Variants in PLEKHB1 observed in about 807,000 individuals in gnomAD.
PLEKHB1 encodes the protein pleckstrin homology domain containing B1.
In PLEKHB1, 29 loss-of-function variants were observed where a neutral mutation model predicts 36.2. That is an observed-to-expected ratio of 0.80 (90% CI 0.60 to 1.09). PLEKHB1 has a LOEUF of 1.09. PLEKHB1 is among the 50% of genes least tolerant of loss of function. The pLI, the probability that PLEKHB1 is intolerant of heterozygous loss-of-function variation, is 0.00. For missense variants in PLEKHB1, 330 were observed against 348.2 expected (o/e 0.95, Z 0.42); for synonymous variants, 138 against 140.0 (o/e 0.99, Z 0.10).
intron 1 of PLEKHB1, chr11:73,647,522 C>T: frequency 1.0e-6 from 1 of 983,768 alleles, no homozygotes; most frequent in Non-Finnish European, 1.2e-6. Context: ...AGTCCCAGTA[C>T]GCCTCGGGTC....
chr11:73,651,790 G>A lies in PLEKHB1; in HGVS notation c.250G>A (p.Val84Met), dbSNP rs1291107436. Residue 84 changes from valine to methionine, a missense_variant and splice_region_variant, in exon 4 of 8, where the codon GTG (valine) becomes ATG (methionine). Transcript: ENST00000354190. ...CATATATGTGTGTCTGCTTCCAGAT[G>A]TGCAGCCCCCAGAGGGCCGGAGCCG... Reference protein sequence around the residue: ...DIKIGPECHDVQPPEGRSRDG... With the variant: ...DIKIGPECHDMQPPEGRSRDG... The A allele has an allele frequency of 2.5e-6, 4 of 1,613,162 alleles. No homozygotes were observed. The highest frequency in any genetic ancestry group is 1.7e-5 in the Admixed American group (1 of 59,970).
At chr11:73,650,409 T>G (rs897715059) in intron 2 of PLEKHB1, 144 bp from the exon 3 acceptor site, 1 of 873,230 alleles carries the variant, frequency 1.1e-6, no homozygotes, top group African/African-American at 1.7e-5. Flanking sequence ...AAAGAGGTCC[T>G]GCCCTCATTT....
Position 73,649,028 on chromosome 11 carries a change from C to T in PLEKHB1, c.35C>T (p.Ala12Val), listed in dbSNP as rs766229210. Residue 12 changes from alanine to valine, a missense_variant, in exon 2 of 8, where the codon GCT becomes GTT. Physicochemically the swap from Ala to Val is moderately conservative, Grantham distance 64. Coordinates refer to ENST00000354190, the MANE Select transcript of PLEKHB1 (RefSeq NM_021200.3). ...SPAAPVPPDS[A>V]LESPFEEMAL... ...CTCTGACAGGTCCCGCCTGACTCCG[C>T]TCTGGAAAGTCCTTTTGAAGAAATG... The T allele has an allele frequency of 1.3e-6, 2 of 1,598,400 alleles. No homozygotes were observed. Among genetic ancestry groups the T allele is most frequent in the Admixed American group, 1.7e-5 (1 of 57,642 alleles).
chr11:73,649,019 C>G lies in PLEKHB1; in HGVS notation c.26C>G (p.Pro9Arg). 6.3e-7 allele frequency: 1 copy of G among 1,594,600 alleles called. No individual in the cohort carries two copies. The highest frequency in any genetic ancestry group is 8.5e-7 in the Non-Finnish European group (1 of 1,170,702). The stretch of plus-strand genomic sequence containing the variant: ...CCGTGGCTCCTCTGACAGGTCCCGC[C>G]TGACTCCGCTCTGGAAAGTCCTTTT... MSPAAPVP[P>R]DSALESPFEE... The change falls in exon 2 of 8, where the codon CCT becomes CGT. Residue 9 changes from proline (P) to arginine (R), a missense_variant. Physicochemically the swap from Pro to Arg is moderately radical, Grantham distance 103. Transcript: ENST00000354190.
At chr11:73,656,012 C>T (rs751366087) in intron 6 of PLEKHB1, 105 bp downstream of exon 6, 10 of 935,224 alleles carry the variant, frequency 1.1e-5, no homozygotes, top group Non-Finnish European at 1.7e-5. Context: ...TCCATGGCTC[C>T]CTATCACCCA....
chr11:73,655,215 A>ACTACT (rs1331765214), intron 5 of PLEKHB1, among the ~76,000 whole-genome samples: 1 of 151,972 alleles, frequency 6.6e-6, no homozygotes, highest in African/African-American at 2.4e-5. Context: ...TCTACCTCCC[A>ACTACT]CTACTCCACA....
At position 73,650,559 on chromosome 11, in the gene PLEKHB1, T is replaced by A; in HGVS notation, c.101T>A (p.Ile34Asn). The change falls in exon 3 of 8, where the codon ATC (isoleucine) becomes AAC (asparagine). Residue 34 changes from isoleucine (I) to asparagine (N), a missense_variant. By Grantham distance (149) the Ile-to-Asn change is moderately radical (BLOSUM62 -3). Coordinates refer to ENST00000354190, the MANE Select transcript of PLEKHB1 (RefSeq NM_021200.3). ...RGGWLWRQSS[I>N]LRRWKRNWFA... ...CATCTGGAATATCGTACAGGCTCCA[T>A]CCTCCGCCGCTGGAAGCGGAACTGG... is the stretch of plus-strand genomic sequence containing the variant. The A allele has an allele frequency of 6.2e-7, 1 of 1,610,004 alleles. No homozygotes were observed. The highest frequency in any genetic ancestry group is 1.7e-5 in the Admixed American group (1 of 59,524).
chr11:73,656,332 G>A (rs116031990), intron 6 of PLEKHB1, among the ~76,000 whole-genome samples: 10 of 152,200 alleles, frequency 6.6e-5, no homozygotes, highest in African/African-American at 2.4e-4. Context: ...CTTCCATGAG[G>A]CCTAGAACTT....
intron 6 of PLEKHB1, among the ~76,000 whole-genome samples, chr11:73,658,611 T>TTTTC (rs149290868): frequency 0.1 from 15,366 of 151,888 alleles, 910 homozygotes; most frequent in South Asian, 0.28. Context: ...CCTTCTTTCT[T>TTTTC]TTTCTTTCTT....
intron 3 of PLEKHB1, 136 bp downstream of exon 3, chr11:73,650,841 A>C: frequency 9.2e-7 from 1 of 1,086,278 alleles, no homozygotes; most frequent in Non-Finnish European, 1.3e-6. Flanking sequence ...AGCCTCTGTC[A>C]ACTCCAATTC....
intron 1 of PLEKHB1, chr11:73,647,481 CT>C: frequency 1.2e-6 from 1 of 848,506 alleles, no homozygotes; most frequent in Non-Finnish European, 1.4e-6. Context: ...GGCGGGGCTG[CT>C]TCTGCCCAGC....
intron 6 of PLEKHB1, 200 bp from the exon 7 acceptor site, chr11:73,660,553 G>C: frequency 1.7e-6 from 1 of 586,574 alleles, no homozygotes. Context: ...GCTGGATGTA[G>C]GGCAGAAGTT....
chr11:73,647,134 CG>C (rs949925612), intron 1 of PLEKHB1, among the ~76,000 whole-genome samples: 2 of 152,106 alleles, frequency 1.3e-5, no homozygotes, highest in African/African-American at 4.8e-5. Context: ...GGGGAAATTT[CG>C]GGTCGCCTAG....
chr11:73,647,591 G>A (rs1466667227), intron 1 of PLEKHB1: 3 of 985,424 alleles, frequency 3.0e-6, no homozygotes, highest in African/African-American at 3.5e-5. Context: ...GGCGGGGCCC[G>A]GGGGCAGCTG....
Position 73,661,895 on chromosome 11 carries a change from AATACGACTTC to A in PLEKHB1, c.*296_*305del, listed in dbSNP as rs1945133016. 1 of 369,126 alleles carries A rather than the reference AATACGACTTC, an allele frequency of 2.7e-6. No homozygotes were observed. Among genetic ancestry groups the A allele is most frequent in the Non-Finnish European group, 4.9e-6 (1 of 203,298 alleles). The allele number at this position is 369,126 out of a possible 1,614,324, so 22.9% of individuals were successfully genotyped here. A position where few individuals can be genotyped will look rare whatever the true frequency, so the allele number is the denominator to read the frequency against. On this transcript the variant is annotated 3_prime_UTR_variant, in exon 8 of 8. Transcript: ENST00000354190. The surrounding 1 kb of genome is among the most constrained non-coding windows in gnomAD (Gnocchi z 4.6). ...CCTCTAAACACAACAGGGCACAGCA[AATACGACTTC>A]ATTTGGCTTCGAGTTCCCCAGGCGC...
At chr11:73,648,432 C>T (rs988559702) in intron 1 of PLEKHB1, among the ~76,000 whole-genome samples, 4 of 152,146 alleles carry the variant, frequency 2.6e-5, no homozygotes, top group African/African-American at 9.7e-5. Flanking sequence ...AGGGGGTACC[C>T]GGACAGAGTG....
At position 73,650,567 on chromosome 11, in the gene PLEKHB1, C is replaced by T. The variant is rs576815673; in HGVS notation, c.109C>T (p.Arg37Cys). ...WLWRQSSILR[R>C]WKRNWFALWL... The stretch of plus-strand genomic sequence containing the variant: ...ATATCGTACAGGCTCCATCCTCCGC[C>T]GCTGGAAGCGGAACTGGTTTGCCCT... The change falls in exon 3 of 8, where the codon CGC becomes TGC. Residue 37 changes from arginine to cysteine, a missense_variant. Transcript: ENST00000354190. 11 of 1,611,826 alleles carry T rather than the reference C, an allele frequency of 6.8e-6. No individual in the cohort carries two copies. The highest frequency in any genetic ancestry group is 3.3e-5 in the Admixed American group (2 of 59,728).
chr11:73,656,517 G>A (rs1460374559), intron 6 of PLEKHB1, among the ~76,000 whole-genome samples: 1 of 152,086 alleles, frequency 6.6e-6, no homozygotes, highest in Non-Finnish European at 1.5e-5. Flanking sequence ...AGGAGGGAGT[G>A]AAAAACTTCC....
In PLEKHB1 at chr11:73,646,646, G is replaced by T; in HGVS notation, c.18+20G>T. 1 of 1,551,486 alleles carries T rather than the reference G, an allele frequency of 6.4e-7. No individual in the cohort carries two copies. On this transcript the variant is annotated intron_variant, in intron 1 of 7. Coordinates refer to ENST00000354190, the MANE Select transcript of PLEKHB1 (RefSeq NM_021200.3). ...GCCCCGGTAAGGAAGAGTTCTCTGG[G>T]ACAGGAGGAAGGGCCCAGGGCAGGG...
Sources: gnomAD v4.1 joint callset for allele counts (sites outside exome capture counted in the v4.1 genomes callset) on GRCh38, gnomAD v4.1.1 for gene constraint, Gnocchi (gnomAD v3.1) non-coding constraint, MANE v1.5 for transcripts, NCBI Gene and HGNC (gene_info 2026-07-23, HGNC 2026-07-21) for gene names.